NSUN2: variants seen among roughly 807,000 people sequenced by gnomAD.
NSUN2 encodes the protein RNA cytosine C(5)-methyltransferase NSUN2.
In NSUN2, 63 loss-of-function variants were observed where a neutral mutation model predicts 92.7. The observed-to-expected ratio is 0.68, with a 90% CI of 0.56 to 0.84. NSUN2 has a LOEUF of 0.84. Ranked by LOEUF, NSUN2 falls within the 40% of genes least tolerant of loss-of-function variation. NSUN2 has a pLI of 0.00. For missense variants in NSUN2, 989 were observed against 964.9 expected (o/e 1.02, Z -0.33); for synonymous variants, 356 against 348.3 (o/e 1.02, Z -0.25).
chr5:6,622,055 T>C lies in NSUN2; in HGVS notation c.583A>G (p.Ile195Val), dbSNP rs200658047. 1 of 1,614,218 alleles carries C rather than the reference T, an allele frequency of 6.2e-7. No individual in the cohort carries two copies. The highest frequency in any genetic ancestry group is 1.7e-5 in the Admixed American group (1 of 60,038). ...AAPGSKTTQLIEMLHADMNVP... is the reference protein window; with the variant it reads ...AAPGSKTTQLVEMLHADMNVP... ...TTCATGTCGGCATGTAGCATTTCAA[T>C]TAACTGTGTGGTCTTTGAGCCAGGT... Residue 195 changes from isoleucine to valine, a missense_variant, in exon 6 of 19, where the codon ATT (isoleucine) becomes GTT (valine). By Grantham distance (29) the Ile-to-Val change is conservative. Transcript: ENST00000264670.
intron 9 of NSUN2, 87 bp from the exon 10 acceptor site, chr5:6,611,885 A>G: frequency 9.0e-7 from 1 of 1,108,738 alleles, no homozygotes. Flanking sequence ...CACAGATCAC[A>G]TATTATATGA....
At chr5:6,625,063 C>CT (rs1050020593) in intron 4 of NSUN2, among the ~76,000 whole-genome samples, 3 of 150,176 alleles carry the variant, frequency 2.0e-5, no homozygotes, top group Non-Finnish European at 4.4e-5. Context: ...TTTTGTGGTG[C>CT]TTAGGTGTTT....
chr5:6,601,667 C>A (rs548378197), intron 18 of NSUN2, among the ~76,000 whole-genome samples: 13 of 152,228 alleles, frequency 8.5e-5, no homozygotes, highest in African/African-American at 2.9e-4. Flanking sequence ...TCAGGATCTG[C>A]GCTTTGGTGG....
intron 14 of NSUN2, 123 bp from the exon 15 acceptor site, chr5:6,605,531 T>A: frequency 4.2e-6 from 4 of 960,844 alleles, no homozygotes; most frequent in Non-Finnish European, 6.3e-6. Flanking sequence ...TCAAGGGCAC[T>A]GGGCTCTGCT....
At chr5:6,601,147 C>G (rs1736536728) in intron 18 of NSUN2, among the ~76,000 whole-genome samples, 1 of 117,414 alleles carries the variant, frequency 8.5e-6, no homozygotes, top group Admixed American at 9.3e-5. Flanking sequence ...TAAGAAATTC[C>G]CAACTCCCAT....
chr5:6,607,163 C>T (rs370107415), intron 13 of NSUN2, 37 bp downstream of exon 13: 54 of 1,600,500 alleles, frequency 3.4e-5, no homozygotes, highest in Non-Finnish European at 4.0e-5. Flanking sequence ...TGTGAAGACA[C>T]CAGCGTATTA....
rs186903500 is a variant in NSUN2 at position 6,628,419 on chromosome 5, A to T, written c.360-2750T>A. 1.3e-3 allele frequency among the ~76,000 whole-genome samples: 195 copies of T among 152,352 alleles called. 1 individual carries two copies. The highest frequency in any genetic ancestry group is 4.4e-3 in the African/African-American group (185 of 41,584). On this transcript the variant is annotated intron_variant, in intron 3 of 18. Transcript: ENST00000264670. Reference sequence around the variant, plus strand: ...CTCTGAACAATTGGTTGTCAAAACAATGCTTCTATAAGAATGCTTTAGGAT... The same window carrying T: ...CTCTGAACAATTGGTTGTCAAAACATTGCTTCTATAAGAATGCTTTAGGAT...
intron 15 of NSUN2, 134 bp from the exon 16 acceptor site, chr5:6,604,819 C>T (rs1007565364): frequency 3.1e-5 from 21 of 680,628 alleles, no homozygotes; most frequent in African/African-American, 1.8e-4. Context: ...CGAGAAACCC[C>T]GGTTAAGAAC....
At chr5:6,628,336 C>T (rs1033578064) in intron 3 of NSUN2, among the ~76,000 whole-genome samples, 1 of 151,910 alleles carries the variant, frequency 6.6e-6, no homozygotes, top group Non-Finnish European at 1.5e-5. Flanking sequence ...CAACAGAGAC[C>T]TTGTCTCAAA....
At chr5:6,602,749 T>TGTC (rs1736609683) in intron 17 of NSUN2, among the ~76,000 whole-genome samples, 3 of 152,216 alleles carry the variant, frequency 2.0e-5, no homozygotes, top group Admixed American at 2.0e-4. Context: ...CTTCAAGGGA[T>TGTC]GTCACCTGAC....
intron 4 of NSUN2, among the ~76,000 whole-genome samples, chr5:6,624,409 C>T (rs1226848210): frequency 6.6e-6 from 1 of 152,164 alleles, no homozygotes. Context: ...AAAACCTATA[C>T]TAGTTCCCTA....
intron 14 of NSUN2, 30 bp downstream of exon 14, chr5:6,606,790 A>G (rs1560973179): frequency 7.9e-7 from 1 of 1,269,308 alleles, no homozygotes. Flanking sequence ...AATTTCTTTA[A>G]ATGAATAATT....
At chr5:6,611,361 T>C (rs1736981198) in intron 10 of NSUN2, among the ~76,000 whole-genome samples, 1 of 150,412 alleles carries the variant, frequency 6.6e-6, no homozygotes, top group Non-Finnish European at 1.5e-5. Context: ...AGTTTTTTTC[T>C]TTTTAAACAA....
chr5:6,626,379 C>G (rs1370434520), intron 3 of NSUN2, among the ~76,000 whole-genome samples: 1 of 143,552 alleles, frequency 7.0e-6, no homozygotes, highest in Non-Finnish European at 1.6e-5. Context: ...AAAAACACTG[C>G]CTTTTTTTTT....
At chr5:6,620,844 G>A (rs997367267) in intron 6 of NSUN2, 3 of 152,254 alleles carry the variant, frequency 2.0e-5, no homozygotes, top group Non-Finnish European at 4.4e-5. Context: ...CCAACAACAT[G>A]TATGATCAAA....
intron 3 of NSUN2, 81 bp downstream of exon 3, chr5:6,631,792 T>C: frequency 9.5e-7 from 1 of 1,047,236 alleles, no homozygotes; most frequent in Non-Finnish European, 1.5e-6. Context: ...TAACAGCAAA[T>C]GCAGTACCAA....
chr5:6,600,170 C>A lies in NSUN2; in HGVS notation c.2060G>T (p.Arg687Leu), dbSNP rs756450204. The stretch of plus-strand genomic sequence containing the variant: ...CCGTTCATTCTTGGGCACAAAAGTT[C>A]GAATGGAGGCCTTTCCCCGCCATCC... ...LCGWRGKASI[R>L]TFVPKNERLH... Residue 687 changes from arginine to leucine, a missense_variant, in exon 19 of 19, where the codon CGA becomes CTA. By Grantham distance (102) the Arg-to-Leu change is moderately radical. Transcript: ENST00000264670. 2 of 1,614,194 alleles carry A rather than the reference C, an allele frequency of 1.2e-6. No individual in the cohort carries two copies. The highest frequency in any genetic ancestry group is 2.2e-5 in the South Asian group (2 of 91,072).
At chr5:6,627,688 A>G (rs1448931127) in intron 3 of NSUN2, among the ~76,000 whole-genome samples, 4 of 152,240 alleles carry the variant, frequency 2.6e-5, no homozygotes, top group Non-Finnish European at 5.9e-5. Flanking sequence ...TAACAGATAA[A>G]TGTTTATTTC....
rs1217777312 is a variant in NSUN2, at chr5:6,623,247, T to G, written c.504A>C (p.Pro168=). 1 of 1,602,624 alleles carries G rather than the reference T, an allele frequency of 6.2e-7. No individual in the cohort carries two copies. Among genetic ancestry groups the G allele is most frequent in the Non-Finnish European group, 8.5e-7 (1 of 1,177,676 alleles). The change falls in exon 5 of 19, where the codon CCA becomes CCC. Residue 168 remains proline, a synonymous_variant. Coordinates refer to ENST00000264670, the MANE Select transcript of NSUN2 (RefSeq NM_017755.6). ...ISRQEAVSMI[P]PLLLNVRPHH... ...GAGGCCGCACGTTGAGGAGCAGTGG[T>G]GGGATCATGCTAACAGCTTCTTGAC...
Sources: gnomAD v4.1 joint callset for allele counts (sites outside exome capture counted in the v4.1 genomes callset) on GRCh38, gnomAD v4.1.1 for gene constraint, MANE v1.5 for transcripts, NCBI Gene and HGNC (gene_info 2026-07-23, HGNC 2026-07-21) for gene names.